STIM1: variants seen among roughly 807,000 people sequenced by gnomAD.
STIM1 encodes stromal interaction molecule 1.
In STIM1, 25 loss-of-function variants were observed where a neutral mutation model predicts 74.7. That is an observed-to-expected ratio of 0.33 (90% CI 0.24 to 0.47). The LOEUF (loss-of-function observed/expected upper bound fraction) is 0.47. Ranked by LOEUF, STIM1 falls within the 20% of genes least tolerant of loss-of-function variation. The probability of loss-of-function intolerance (pLI) is 1.00; values close to 1 mark genes in which losing one functional copy is unlikely to be tolerated. For missense variants in STIM1, 728 were observed against 920.8 expected (o/e 0.79, Z 2.71); for synonymous variants, 328 against 348.8 (o/e 0.94, Z 0.66).
intron 2 of STIM1, among the ~76,000 whole-genome samples, chr11:4,000,345 C>A (rs2093703231): frequency 6.6e-6 from 1 of 151,904 alleles, no homozygotes; most frequent in Admixed American, 6.6e-5. Context: ...CCAGTAGGGG[C>A]AGACTGACAA....
rs986049850 is a variant in STIM1, at chr11:3,936,484, C to A, written c.140-31068C>A. Among the ~76,000 whole-genome samples, 3 of 152,298 alleles carry A rather than the reference C, an allele frequency of 2.0e-5. No individual in the cohort carries two copies. The South Asian group carries it at 6.2e-4, about 32-fold the overall frequency. On this transcript the variant is annotated intron_variant, in intron 1 of 12. Coordinates refer to ENST00000526596, the MANE Select transcript of STIM1 (RefSeq NM_001382567.1). Reference sequence around the variant, plus strand: ...GACCCAAAGAAGGCAGAACAACGTGCCTTTTGCTCAGCCTTTGCTTCTCCA... The same window carrying A: ...GACCCAAAGAAGGCAGAACAACGTGACTTTTGCTCAGCCTTTGCTTCTCCA...
intron 1 of STIM1, among the ~76,000 whole-genome samples, chr11:3,909,553 A>G (rs2135472180): frequency 6.6e-6 from 1 of 152,278 alleles, no homozygotes. Context: ...GGCTGGGCGC[A>G]GTGGCTCACG....
chr11:4,055,547 A>T lies in STIM1; in HGVS notation c.407A>T (p.Glu136Val). The change falls in exon 4 of 13, where the codon GAG (glutamate) becomes GTG (valine). Residue 136 changes from glutamate (E) to valine (V), a missense_variant. Transcript: ENST00000526596. ...ACAGTATACAATTGGACCGTGGATG[A>T]GGTGGTACAGTGGCTGATCACATAT... is the stretch of plus-strand genomic sequence containing the variant. ...SSEVYNWTVD[E>V]VVQWLITYVE... 1 of 1,600,434 alleles carries T rather than the reference A, an allele frequency of 6.2e-7. No homozygotes were observed. Among genetic ancestry groups the T allele is most frequent in the Non-Finnish European group, 8.5e-7 (1 of 1,174,276 alleles).
intron 2 of STIM1, among the ~76,000 whole-genome samples, chr11:3,986,039 T>C (rs1485809420): frequency 6.6e-6 from 1 of 152,226 alleles, no homozygotes; most frequent in Non-Finnish European, 1.5e-5. Context: ...CTTTCTCTCT[T>C]TTTTCTTCAA....
At chr11:3,976,868 C>T (rs2093452591) in intron 2 of STIM1, among the ~76,000 whole-genome samples, 1 of 151,636 alleles carries the variant, frequency 6.6e-6, no homozygotes, top group African/African-American at 2.4e-5. Context: ...AGTCTTGGCT[C>T]ACTGCAACCT....
rs1207921761 is a variant in STIM1, at chr11:4,049,133, T to C, written c.386-6393T>C. Among the ~76,000 whole-genome samples, 5 of 152,270 alleles carry C rather than the reference T, an allele frequency of 3.3e-5. No individual in the cohort carries two copies. In the East Asian group the frequency reaches 9.6e-4, roughly 29 times the overall value. ...AGCTCTAGTGCTCCACGTATGGTGATGATGCAATTTGCCATGTTGCAAATG... is the reference window on the plus strand; with the variant it reads ...AGCTCTAGTGCTCCACGTATGGTGACGATGCAATTTGCCATGTTGCAAATG... On this transcript the variant is annotated intron_variant, in intron 3 of 12. Transcript: ENST00000526596.
chr11:4,088,580 A>G (rs1448549722), intron 12 of STIM1: 2 of 878,804 alleles, frequency 2.3e-6, no homozygotes, highest in Non-Finnish European at 3.6e-6. Flanking sequence ...GGGGACACTA[A>G]GGGATGCTGT....
chr11:4,084,877 C>G (rs2094484239), intron 11 of STIM1, 112 bp downstream of exon 11: 2 of 826,464 alleles, frequency 2.4e-6, no homozygotes, highest in Non-Finnish European at 3.5e-6. Context: ...CCTGCTCCCT[C>G]TATCCCCTCA....
intron 5 of STIM1, among the ~76,000 whole-genome samples, chr11:4,061,498 G>A (rs918328256): frequency 6.6e-6 from 1 of 152,214 alleles, no homozygotes; most frequent in Non-Finnish European, 1.5e-5. Context: ...TGGAAAACTT[G>A]TGTTGGCGAG....
In STIM1 at chr11:3,895,683, CTTCTTTCTTTCTTTCTTTCT is replaced by C. The variant is rs1157478592; in HGVS notation, c.139+39309_139+39328del. On this transcript the variant is annotated intron_variant, in intron 1 of 12. Transcript: ENST00000526596. ...CTTTCTTTCTTTCTTTCCTTCCTTC[CTTCTTTCTTTCTTTCTTTCT>C]TTCTTTCTTTCTTTCTTTCTTTCTT... Among the ~76,000 whole-genome samples the C allele has an allele frequency of 1.1e-3, 40 of 37,992 alleles. 2 individuals carry two copies. The highest frequency in any genetic ancestry group is 5.4e-3 in the African/African-American group (40 of 7,448). 24.9% of individuals were successfully genotyped at this position (37,992 alleles called of 152,430 possible).
At chr11:4,076,698 A>G (rs2094439433) in intron 7 of STIM1, among the ~76,000 whole-genome samples, 1 of 149,420 alleles carries the variant, frequency 6.7e-6, no homozygotes, top group Admixed American at 6.7e-5. Context: ...TTTTCCCCCA[A>G]GTAAGGTGAT....
chr11:3,938,355 A>G (rs907199906), intron 1 of STIM1, among the ~76,000 whole-genome samples: 2 of 139,814 alleles, frequency 1.4e-5, no homozygotes, highest in Non-Finnish European at 3.0e-5. Context: ...TCAGCTTTGC[A>G]TACCAAGGGG....
chr11:3,879,058 C>T (rs1476119199), intron 1 of STIM1, among the ~76,000 whole-genome samples: 3 of 152,046 alleles, frequency 2.0e-5, no homozygotes, highest in African/African-American at 4.8e-5. Flanking sequence ...CGGGTTCAAG[C>T]AATTCTCCTG....
chr11:4,092,725 A>T lies in STIM1; in HGVS notation c.*927A>T, dbSNP rs931755246. 1 of 152,222 alleles carries T rather than the reference A, an allele frequency of 6.6e-6. No individual in the cohort carries two copies. The highest frequency in any genetic ancestry group is 2.4e-5 in the African/African-American group (1 of 41,446). The allele number at this position is 152,222 out of a possible 1,614,324, so 9.4% of individuals were successfully genotyped here. On this transcript the variant is annotated 3_prime_UTR_variant, in exon 13 of 13. Transcript: ENST00000526596. Reference sequence around the variant, plus strand: ...TTATGGAGCCCTGGAGTTGTTGGGCAAGGATGCTGTCATTTTTTGAACCAA... The same window carrying T: ...TTATGGAGCCCTGGAGTTGTTGGGCTAGGATGCTGTCATTTTTTGAACCAA...
chr11:4,027,305 C>T (rs1441416476), intron 3 of STIM1, among the ~76,000 whole-genome samples: 1 of 151,846 alleles, frequency 6.6e-6, no homozygotes, highest in East Asian at 1.9e-4. Context: ...TTCGCCTTTT[C>T]TTTTTTTTCT....
At chr11:3,961,288 C>T (rs1354346500) in intron 1 of STIM1, 3 of 231,218 alleles carry the variant, frequency 1.3e-5, no homozygotes, top group Non-Finnish European at 2.8e-5. Flanking sequence ...CCTGGCCCTG[C>T]AGGCTGATTT....
At chr11:4,063,257 A>G (rs1324794995) in intron 5 of STIM1, among the ~76,000 whole-genome samples, 2 of 152,160 alleles carry the variant, frequency 1.3e-5, no homozygotes, top group African/African-American at 2.4e-5. Context: ...TAAGAGAGAG[A>G]CTTAGAATTT....
Position 4,084,750 on chromosome 11 carries a change from CT to C in STIM1, c.1553del (p.Leu518ProfsTer17). The C allele has an allele frequency of 7.8e-7, 1 of 1,289,402 alleles. No homozygotes were observed. The highest frequency in any genetic ancestry group is 1.0e-6 in the Non-Finnish European group (1 of 988,880). 79.9% of individuals were successfully genotyped at this position (1,289,402 alleles called of 1,614,324 possible). A position where few individuals can be genotyped will look rare whatever the true frequency, so the allele number is the denominator to read the frequency against. Reference sequence around the variant, plus strand: ...ATCCGCCGGCTCGGATGATCAGTCCCTCTGGAAATACCCCGGTTTGAGGAGC... The same window carrying C: ...ATCCGCCGGCTCGGATGATCAGTCCCCTGGAAATACCCCGGTTTGAGGAGC... ...STSAGSDDQSLWKYPAPSLQS... is the reference protein window; with the variant it reads ...STSAGSDDQSXWKYPAPSLQS... On this transcript the variant is annotated frameshift_variant, in exon 11 of 13. Transcript: ENST00000526596. LOFTEE classifies it high-confidence loss of function.
intron 1 of STIM1, among the ~76,000 whole-genome samples, chr11:3,907,742 C>G (rs2092489704): frequency 6.6e-6 from 1 of 152,182 alleles, no homozygotes; most frequent in Non-Finnish European, 1.5e-5. Context: ...TCACATATGA[C>G]TTGGCTCCCA....
Sources: gnomAD v4.1 joint callset for allele counts (sites outside exome capture counted in the v4.1 genomes callset) on GRCh38, gnomAD v4.1.1 for gene constraint, MANE v1.5 for transcripts, NCBI Gene and HGNC (gene_info 2026-07-23, HGNC 2026-07-21) for gene names.